The following CEP120 variants were observed in gnomAD, a reference collection of about 807,000 sequenced individuals.
The protein encoded by CEP120 is centrosomal protein of 120 kDa.
CEP120 carries 113 observed loss-of-function variants against 126.5 expected under a neutral mutation model. The ratio of observed to expected loss-of-function variants is 0.89; its 90% CI spans 0.77 to 1.04. CEP120 has a LOEUF of 1.04. Ranked by LOEUF, CEP120 falls within the 50% of genes least tolerant of loss-of-function variation. CEP120 has a pLI of 0.00. For missense variants in CEP120, 1,230 were observed against 1,155.7 expected (o/e 1.06, Z -0.93); for synonymous variants, 400 against 394.3 (o/e 1.01, Z -0.17).
Position 123,378,437 on chromosome 5 carries a change from T to G in CEP120, c.2104-9A>C. The G allele has an allele frequency of 7.5e-7, 1 of 1,337,936 alleles. No homozygotes were observed. Among genetic ancestry groups the G allele is most frequent in the South Asian group, 1.5e-5 (1 of 67,180 alleles). The allele number at this position is 1,337,936 out of a possible 1,614,324, so 82.9% of individuals were successfully genotyped here. A position where few individuals can be genotyped will look rare whatever the true frequency, so the allele number is the denominator to read the frequency against. Reference sequence around the variant, plus strand: ...ATAGTATATTCAGCCACCTAAAATATAGTAAAAAAAAAAAAAAAAAAGTTA... The same window carrying G: ...ATAGTATATTCAGCCACCTAAAATAGAGTAAAAAAAAAAAAAAAAAAGTTA... On this transcript the variant is annotated splice_polypyrimidine_tract_variant and intron_variant, in intron 14 of 19. Coordinates refer to ENST00000306467, the MANE Select transcript of CEP120 (RefSeq NM_001375405.1).
rs59558008 is a variant in CEP120 at position 123,418,224 on chromosome 5, T to TCTTA, written c.206+134_206+135insTAAG. 0.43 allele frequency: 285,232 copies of TCTTA among 660,688 alleles called. 62,774 individuals carry two copies. Among genetic ancestry groups the TCTTA allele is most frequent in the Middle Eastern group, 0.47 (1,341 of 2,852 alleles). 40.9% of individuals were successfully genotyped at this position (660,688 alleles called of 1,614,324 possible). A position where few individuals can be genotyped will look rare whatever the true frequency, so the allele number is the denominator to read the frequency against. ...AGACTTGGGTCCCATCCCCAAGGTA[T>TCTTA]CTTTGATTATGCAGATATTCCAAAA... On this transcript the variant is annotated intron_variant, in intron 2 of 19. Coordinates refer to ENST00000306467, the MANE Select transcript of CEP120 (RefSeq NM_001375405.1).
intron 18 of CEP120, among the ~76,000 whole-genome samples, chr5:123,350,707 C>G (rs1580623737): frequency 6.6e-6 from 1 of 152,328 alleles, no homozygotes; most frequent in South Asian, 2.1e-4. Context: ...CCTTTCCACT[C>G]TGTTCTCCAG....
Position 123,377,384 on chromosome 5 carries a change from A to G in CEP120, c.2348T>C (p.Leu783Pro). The G allele has an allele frequency of 6.2e-7, 1 of 1,607,694 alleles. No homozygotes were observed. The highest frequency in any genetic ancestry group is 8.5e-7 in the Non-Finnish European group (1 of 1,178,230). Reference sequence around the variant, plus strand: ...AGTACGTTATCCAACCTGTTGCTGAAGGCGGTGTTTATCCTCTTCGAGCTG... The same window carrying G: ...AGTACGTTATCCAACCTGTTGCTGAGGGCGGTGTTTATCCTCTTCGAGCTG... ...IKQLEEDKHR[L>P]QQQLNDAENK... Residue 783 changes from leucine (L) to proline (P), a missense_variant, in exon 16 of 20, where the codon CTT becomes CCT. Coordinates refer to ENST00000306467, the MANE Select transcript of CEP120 (RefSeq NM_001375405.1).
chr5:123,402,377 C>T (rs1415047006), intron 4 of CEP120: 1 of 1,365,018 alleles, frequency 7.3e-7, no homozygotes, highest in Non-Finnish European at 9.7e-7. Context: ...CGGGCCGAAC[C>T]AGGCAGAGAT....
intron 17 of CEP120, among the ~76,000 whole-genome samples, chr5:123,367,578 A>C (rs10060994): frequency 0.72 from 108,446 of 151,610 alleles, 38,923 homozygotes; most frequent in African/African-American, 0.75. Context: ...AAACATCCCA[A>C]AATCCAAAAA....
chr5:123,409,005 G>C (rs1424966985), intron 4 of CEP120, among the ~76,000 whole-genome samples: 1 of 152,100 alleles, frequency 6.6e-6, no homozygotes, highest in East Asian at 1.9e-4. Context: ...CCAGGAGTTC[G>C]AGACCAGTCT....
intron 18 of CEP120, among the ~76,000 whole-genome samples, chr5:123,353,850 A>C (rs1369756154): frequency 6.6e-6 from 1 of 151,748 alleles, no homozygotes; most frequent in Non-Finnish European, 1.5e-5. Flanking sequence ...CTTGTCCTTG[A>C]ATACTTGCTA....
At position 123,403,816 on chromosome 5, in the gene CEP120, G is replaced by A. The variant is rs117658314; in HGVS notation, c.464-4532C>T. ...AAACAATCTACAAATTAACTGGCCTGCAATCTTCAAAATTTCAAGGTCATG... is the reference window on the plus strand; with the variant it reads ...AAACAATCTACAAATTAACTGGCCTACAATCTTCAAAATTTCAAGGTCATG... On this transcript the variant is annotated intron_variant, in intron 4 of 19. Coordinates refer to ENST00000306467, the MANE Select transcript of CEP120 (RefSeq NM_001375405.1). 1.3e-3 allele frequency: 410 copies of A among 315,566 alleles called. 7 individuals carry two copies. In the East Asian group the frequency reaches 0.034, roughly 26 times the overall value. The allele number at this position is 315,566 out of a possible 1,614,324, so 19.5% of individuals were successfully genotyped here. A position where few individuals can be genotyped will look rare whatever the true frequency, so the allele number is the denominator to read the frequency against.
At chr5:123,411,459 A>G (rs992599347) in intron 4 of CEP120, among the ~76,000 whole-genome samples, 1 of 152,216 alleles carries the variant, frequency 6.6e-6, no homozygotes, top group Non-Finnish European at 1.5e-5. Context: ...TTAGGAGCTG[A>G]GTGAAAAAAT....
intron 17 of CEP120, among the ~76,000 whole-genome samples, chr5:123,368,015 C>T (rs911912294): frequency 5.3e-5 from 8 of 151,904 alleles, no homozygotes; most frequent in Admixed American, 2.6e-4. Context: ...TCACTAGGCA[C>T]TTAAACATGC....
Position 123,378,330 on chromosome 5 carries a change from A to G in CEP120, c.2196+6T>C. 6.3e-7 allele frequency: 1 copy of G among 1,586,394 alleles called. No individual in the cohort carries two copies. Among genetic ancestry groups the G allele is most frequent in the Non-Finnish European group, 8.6e-7 (1 of 1,168,988 alleles). On this transcript the variant is annotated splice_donor_region_variant and intron_variant, in intron 15 of 19. Coordinates refer to ENST00000306467, the MANE Select transcript of CEP120 (RefSeq NM_001375405.1). ...TGAAAAAAAATACAATGGACGAATG[A>G]CATACCTCTGATTCCACACTAGCAA...
At chr5:123,400,605 TCATATATATA>T (rs1043535515) in intron 4 of CEP120, among the ~76,000 whole-genome samples, 15 of 148,740 alleles carry the variant, frequency 1.0e-4, no homozygotes, top group Non-Finnish European at 1.5e-4. Flanking sequence ...AATTCAGATA[TCATATATATA>T]CATATATATA....
In CEP120 at chr5:123,385,052, A is replaced by G. The variant is rs746829937; in HGVS notation, c.1662T>C (p.Ser554=). The part of the protein sequence containing the change: ...LLLGIARIQL[S]NILSSEKTRF... ...GAGTTTTTTCTGAAGACAAGATGTT[A>G]GAAAGCTGGATTCTCGCAATTCCCA... The change falls in exon 11 of 20, where the codon TCT becomes TCC. Residue 554 remains serine, a synonymous_variant. Transcript: ENST00000306467. 6.2e-7 allele frequency: 1 copy of G among 1,613,800 alleles called. No homozygotes were observed. Among genetic ancestry groups the G allele is most frequent in the Non-Finnish European group, 8.5e-7 (1 of 1,179,802 alleles).
intron 4 of CEP120, chr5:123,401,119 T>G (rs1413835571): frequency 1.9e-6 from 3 of 1,601,188 alleles, no homozygotes; most frequent in Non-Finnish European, 2.6e-6. Flanking sequence ...TGAATACTCA[T>G]GTTCTGCATC....
At chr5:123,415,748 G>A (rs1308447599) in intron 3 of CEP120, among the ~76,000 whole-genome samples, 1 of 152,118 alleles carries the variant, frequency 6.6e-6, no homozygotes, top group Non-Finnish European at 1.5e-5. Context: ...GTGAGTGCCT[G>A]TAATCCCAGC....
In CEP120 at chr5:123,416,036, A is replaced by C; in HGVS notation, c.295T>G (p.Leu99Val). The change falls in exon 3 of 20, where the codon TTA becomes GTA. Residue 99 changes from leucine (L) to valine (V), a missense_variant. Leu to Val is a conservative substitution (Grantham distance 32). Coordinates refer to ENST00000306467, the MANE Select transcript of CEP120 (RefSeq NM_001375405.1). ...TGCTTTGTTTCTTGAGCGGTTCTTA[A>C]ATCCAGAACGATGTAACCTATGGTT... is the stretch of plus-strand genomic sequence containing the variant. ...KETIGYIVLD[L>V]RTAQETKQAP... is the part of the protein sequence containing the mutation. 2 of 1,613,796 alleles carry C rather than the reference A, an allele frequency of 1.2e-6. No homozygotes were observed. Among genetic ancestry groups the C allele is most frequent in the Non-Finnish European group, 1.7e-6 (2 of 1,179,778 alleles).
rs1325544297 is a variant in CEP120, at chr5:123,344,987, T to C, written c.*1532A>G. 3 of 152,168 alleles carry C rather than the reference T, an allele frequency of 2.0e-5. No individual in the cohort carries two copies. Among genetic ancestry groups the C allele is most frequent in the Admixed American group, 2.0e-4 (3 of 15,258 alleles). 9.4% of individuals were successfully genotyped at this position (152,168 alleles called of 1,614,324 possible). A position where few individuals can be genotyped will look rare whatever the true frequency, so the allele number is the denominator to read the frequency against. On this transcript the variant is annotated 3_prime_UTR_variant, in exon 20 of 20. Coordinates refer to ENST00000306467, the MANE Select transcript of CEP120 (RefSeq NM_001375405.1). ...ACACATCCATTTTAGAAAAGTCCTT[T>C]TTATTTCTTTAAATCAGAGGCCCCC... is the stretch of plus-strand genomic sequence containing the variant.
chr5:123,347,172 T>A (rs994841648), intron 19 of CEP120, among the ~76,000 whole-genome samples: 7 of 152,296 alleles, frequency 4.6e-5, no homozygotes, highest in Admixed American at 3.3e-4. Context: ...CAATTCTGTA[T>A]ACTACTTTTC....
rs1335709649 is a variant in CEP120 at position 123,346,732 on chromosome 5, T to C, written c.2748A>G (p.Lys916=). 5 of 1,609,164 alleles carry C rather than the reference T, an allele frequency of 3.1e-6. No individual in the cohort carries two copies. Among genetic ancestry groups the C allele is most frequent in the Non-Finnish European group, 4.2e-6 (5 of 1,178,544 alleles). ...ELNRLRQQEQ[K]QYQDSTEIAS... is the part of the protein sequence containing the mutation. ...CAATCTCTGTGGAATCCTGGTATTG[T>C]TTTTGCTCTTGTTGCCTTAACCTGA... Residue 916 remains lysine (K), a synonymous_variant, in exon 20 of 20, where the codon AAA becomes AAG. Transcript: ENST00000306467.
Sources: gnomAD v4.1 joint callset for allele counts (sites outside exome capture counted in the v4.1 genomes callset) on GRCh38, gnomAD v4.1.1 for gene constraint, MANE v1.5 for transcripts, NCBI Gene and HGNC (gene_info 2026-07-23, HGNC 2026-07-21) for gene names.